FLRT2: variants seen among roughly 807,000 people sequenced by gnomAD.
FLRT2 encodes the protein fibronectin leucine rich transmembrane protein 2.
FLRT2 carries 15 observed loss-of-function variants against 40.0 expected under a neutral mutation model. The observed-to-expected ratio is 0.38, with a 90% confidence interval of 0.25 to 0.58. FLRT2 has a LOEUF of 0.58. Among genes scored for constraint, FLRT2 ranks in the 20% least tolerant of loss-of-function variants. The probability of loss-of-function intolerance (pLI) is 0.71; values close to 1 mark genes in which losing one functional copy is unlikely to be tolerated. For missense variants in FLRT2, 726 were observed against 840.0 expected (o/e 0.86, Z 1.68); for synonymous variants, 380 against 336.8 (o/e 1.13, Z -1.41).
intron 1 of FLRT2, among the ~76,000 whole-genome samples, chr14:85,552,222 TG>T (rs1889671807): frequency 6.6e-6 from 1 of 152,144 alleles, no homozygotes; most frequent in Admixed American, 6.5e-5. Flanking sequence ...CTTGTCTTAG[TG>T]GTTAGAATTT....
intron 1 of FLRT2, among the ~76,000 whole-genome samples, chr14:85,550,186 A>AT (rs1201133051): frequency 1.3e-5 from 2 of 152,110 alleles, no homozygotes; most frequent in African/African-American, 2.4e-5. Context: ...AAAAAAGGAG[A>AT]TTTTTTTCTA....
chr14:85,600,172 G>A (rs185870977), intron 1 of FLRT2, among the ~76,000 whole-genome samples: 77 of 152,326 alleles, frequency 5.1e-4, no homozygotes, highest in Non-Finnish European at 4.1e-4. Flanking sequence ...AGTAGTAGGA[G>A]GCAGCATAGG....
At chr14:85,546,730 A>G (rs1214905102) in intron 1 of FLRT2, among the ~76,000 whole-genome samples, 4 of 152,158 alleles carry the variant, frequency 2.6e-5, no homozygotes, top group African/African-American at 4.8e-5. Flanking sequence ...TCTGGACTAC[A>G]TGCATCCGTC....
intron 1 of FLRT2, among the ~76,000 whole-genome samples, chr14:85,595,196 A>T (rs1219085812): frequency 6.6e-6 from 1 of 152,144 alleles, no homozygotes; most frequent in African/African-American, 2.4e-5. Flanking sequence ...GCATGGTTCA[A>T]ACCCATGTTG....
rs186995874 is a variant in FLRT2, at chr14:85,646,650, T to C, written c.*23153T>C. The stretch of plus-strand genomic sequence containing the variant: ...TTTATTTTTTGAGATGGAGTCTTGC[T>C]CTACCACCCAGGCTGGAGTGCAGTG... On this transcript the variant is annotated 3_prime_UTR_variant, in exon 2 of 2. Transcript: ENST00000330753. The C allele has an allele frequency of 1.9e-3, 289 of 152,330 alleles. No individual in the cohort carries two copies. Among genetic ancestry groups the C allele is most frequent in the African/African-American group, 6.4e-3 (265 of 41,554 alleles). The allele number at this position is 152,330 out of a possible 1,614,324, so 9.4% of individuals were successfully genotyped here. A position where few individuals can be genotyped will look rare whatever the true frequency, so the allele number is the denominator to read the frequency against.
intron 1 of FLRT2, among the ~76,000 whole-genome samples, chr14:85,598,916 G>GTTTTT (rs11449675): frequency 1.0e-4 from 12 of 120,290 alleles, no homozygotes; most frequent in South Asian, 2.7e-4. Context: ...AAATGGGATG[G>GTTTTT]TTTTTTTTTT....
chr14:85,623,538 C>G lies in FLRT2; in HGVS notation c.*41C>G. Reference sequence around the variant, plus strand: ...CGTTATCAAGGCGGACAATTAGACTCTTGAGAACACACTCGTGTGTGCACA... The same window carrying G: ...CGTTATCAAGGCGGACAATTAGACTGTTGAGAACACACTCGTGTGTGCACA... On this transcript the variant is annotated 3_prime_UTR_variant, in exon 2 of 2. Transcript: ENST00000330753. 1 of 1,389,166 alleles carries G rather than the reference C, an allele frequency of 7.2e-7. No homozygotes were observed. The highest frequency in any genetic ancestry group is 9.4e-7 in the Non-Finnish European group (1 of 1,062,530). The allele number at this position is 1,389,166 out of a possible 1,614,324, so 86.1% of individuals were successfully genotyped here.
intron 1 of FLRT2, among the ~76,000 whole-genome samples, chr14:85,580,215 T>C (rs756856956): frequency 2.6e-5 from 4 of 152,188 alleles, no homozygotes; most frequent in Admixed American, 6.5e-5. Flanking sequence ...AGCAGGTGGG[T>C]GTCTGCTGGA....
chr14:85,623,053 C>A lies in FLRT2; in HGVS notation c.1539C>A (p.Thr513=), dbSNP rs1893492478. The A allele has an allele frequency of 1.9e-6, 3 of 1,614,174 alleles. No individual in the cohort carries two copies. The highest frequency in any genetic ancestry group is 1.7e-6 in the Non-Finnish European group (2 of 1,180,032). The change falls in exon 2 of 2, where the codon ACC becomes ACA. Residue 513 remains threonine, a synonymous_variant. Transcript: ENST00000330753. The part of the protein sequence containing the change: ...AVEDTICSEA[T]THASYLNNGS... ...AAGACACCATTTGTTCAGAGGCCAC[C>A]ACCCATGCCTCCTATCTGAACAACG...
At chr14:85,547,217 T>C (rs1889325477) in intron 1 of FLRT2, among the ~76,000 whole-genome samples, 1 of 152,174 alleles carries the variant, frequency 6.6e-6, no homozygotes, top group Non-Finnish European at 1.5e-5. Flanking sequence ...AAGAAAGTTA[T>C]TCTTCCCTTC....
intron 1 of FLRT2, among the ~76,000 whole-genome samples, chr14:85,571,897 G>T (rs1264633842): frequency 6.6e-6 from 1 of 152,156 alleles, no homozygotes; most frequent in Non-Finnish European, 1.5e-5. Context: ...ATGGGATAGT[G>T]CCAGTTTACT....
Position 85,636,912 on chromosome 14 carries a change from G to C in FLRT2, c.*13415G>C, listed in dbSNP as rs1182171728. ...CCACTGCATTCTAGCCTGGGTGACA[G>C]AGCGATACTTCGTCTCCAAAAAAAA... On this transcript the variant is annotated 3_prime_UTR_variant, in exon 2 of 2. Coordinates refer to ENST00000330753, the MANE Select transcript of FLRT2 (RefSeq NM_013231.6). 1 of 110,560 alleles carries C rather than the reference G, an allele frequency of 9.0e-6. No individual in the cohort carries two copies. Among genetic ancestry groups the C allele is most frequent in the Non-Finnish European group, 1.7e-5 (1 of 60,292 alleles). 6.8% of individuals were successfully genotyped at this position (110,560 alleles called of 1,614,324 possible).
chr14:85,638,294 A>T lies in FLRT2; in HGVS notation c.*14797A>T, dbSNP rs1234507380. On this transcript the variant is annotated 3_prime_UTR_variant, in exon 2 of 2. Transcript: ENST00000330753. ...GCTGTTAGCCTCTTGCCTTTCGCCC[A>T]GGCTGAAGACAGAGTGCTTTCCCAT... 6.6e-6 allele frequency: 1 copy of T among 152,166 alleles called. No individual in the cohort carries two copies. Among genetic ancestry groups the T allele is most frequent in the Non-Finnish European group, 1.5e-5 (1 of 68,076 alleles). 9.4% of individuals were successfully genotyped at this position (152,166 alleles called of 1,614,324 possible).
At chr14:85,603,623 A>G (rs1892477482) in intron 1 of FLRT2, among the ~76,000 whole-genome samples, 1 of 152,134 alleles carries the variant, frequency 6.6e-6, no homozygotes, top group African/African-American at 2.4e-5. Flanking sequence ...TAATCCCAGC[A>G]TTTTGGGAGG....
At chr14:85,617,041 C>T (rs781216431) in intron 1 of FLRT2, among the ~76,000 whole-genome samples, 10 of 110,070 alleles carry the variant, frequency 9.1e-5, no homozygotes, top group East Asian at 2.8e-4. Context: ...TGTAGATCAT[C>T]GGTTCTCAAC....
rs1759996400 is a variant in FLRT2 at position 85,629,128 on chromosome 14, C to T, written c.*5631C>T. 1 of 152,160 alleles carries T rather than the reference C, an allele frequency of 6.6e-6. No individual in the cohort carries two copies. Among genetic ancestry groups the T allele is most frequent in the African/African-American group, 2.4e-5 (1 of 41,438 alleles). 9.4% of individuals were successfully genotyped at this position (152,160 alleles called of 1,614,324 possible). A position where few individuals can be genotyped will look rare whatever the true frequency, so the allele number is the denominator to read the frequency against. ...AGAAACTCACAGATCAGGTAATAAA[C>T]ACTTTTTCTAATGCATTCCAGTGTC... On this transcript the variant is annotated 3_prime_UTR_variant, in exon 2 of 2. Transcript: ENST00000330753.
rs1894204742 is a variant in FLRT2, at chr14:85,643,333, T to TTCTG, written c.*19839_*19840insGTCT. The TTCTG allele has an allele frequency of 1.7e-5, 2 of 117,630 alleles. No homozygotes were observed. The highest frequency in any genetic ancestry group is 3.4e-5 in the Non-Finnish European group (2 of 58,594). 7.3% of individuals were successfully genotyped at this position (117,630 alleles called of 1,614,324 possible). ...TTTCTTTCTTTCTTTCTTTCTTTCTTTCTTTCTTTCTTTCTTTCTTTCTTC... is the reference window on the plus strand; with the variant it reads ...TTTCTTTCTTTCTTTCTTTCTTTCTTTCTGTCTTTCTTTCTTTCTTTCTTTCTTC... On this transcript the variant is annotated 3_prime_UTR_variant, in exon 2 of 2. Coordinates refer to ENST00000330753, the MANE Select transcript of FLRT2 (RefSeq NM_013231.6).
At chr14:85,605,448 G>T (rs1892562307) in intron 1 of FLRT2, among the ~76,000 whole-genome samples, 1 of 152,138 alleles carries the variant, frequency 6.6e-6, no homozygotes, top group Non-Finnish European at 1.5e-5. Context: ...AGTTACTTCA[G>T]TTAAATTAAG....
chr14:85,591,561 T>C (rs926763), intron 1 of FLRT2, among the ~76,000 whole-genome samples: 72,278 of 152,022 alleles, frequency 0.48, 17,636 homozygotes, highest in East Asian at 0.77. Flanking sequence ...GTTCTGAAGA[T>C]GCATAGGCAG....
Sources: allele counts gnomAD v4.1 joint callset (sites outside exome capture counted in the v4.1 genomes callset), GRCh38; gene constraint gnomAD v4.1.1; transcripts MANE v1.5; gene names NCBI Gene and HGNC (gene_info 2026-07-23, HGNC 2026-07-21).